The following TEX9 variants were observed in gnomAD, a reference collection of about 807,000 sequenced individuals.
The protein encoded by TEX9 is testis expressed 9.
TEX9 carries 74 observed loss-of-function variants against 59.6 expected under a neutral mutation model. The observed-to-expected ratio is 1.24, with a 90% CI of 1.03 to 1.51. TEX9 has a LOEUF of 1.51. TEX9 is among the 40% of genes most tolerant of loss of function. The probability of loss-of-function intolerance (pLI) is 0.00; values close to 1 mark genes in which losing one functional copy is unlikely to be tolerated. For missense variants in TEX9, 522 were observed against 447.8 expected (o/e 1.17, Z -1.49); for synonymous variants, 186 against 152.2 (o/e 1.22, Z -1.64).
intron 12 of TEX9, among the ~76,000 whole-genome samples, chr15:56,439,200 CT>C (rs2050778619): frequency 6.6e-6 from 1 of 152,046 alleles, no homozygotes; most frequent in Admixed American, 6.6e-5. Flanking sequence ...AAATGAAACA[CT>C]TAGATGTAAC....
At position 56,302,890 on chromosome 15, in the gene TEX9, C is replaced by G. The variant is rs533812091; in HGVS notation, c.-107+58612C>G. On this transcript the variant is annotated intron_variant, in intron 1 of 5. Transcript: ENST00000560827. Reference sequence around the variant, plus strand: ...AAAGATGTTTCATGTAAATGGAAACCAAGAAAGAACAGGAGTCATTATACT... The same window carrying G: ...AAAGATGTTTCATGTAAATGGAAACGAAGAAAGAACAGGAGTCATTATACT... Among the ~76,000 whole-genome samples, 6 of 151,996 alleles carry G rather than the reference C, an allele frequency of 3.9e-5. No individual in the cohort carries two copies. In the South Asian group the frequency reaches 1.3e-3, roughly 32 times the overall value.
At chr15:56,374,690 C>G (rs2047348692) in intron 3 of TEX9, 1 of 152,024 alleles carries the variant, frequency 6.6e-6, no homozygotes, top group African/African-American at 2.4e-5. Context: ...TATCTCCCAC[C>G]CCTGCATCCC....
intron 1 of TEX9, among the ~76,000 whole-genome samples, chr15:56,256,355 C>G (rs141705465): frequency 5.1e-4 from 78 of 152,048 alleles, no homozygotes; most frequent in African/African-American, 1.7e-3. Flanking sequence ...GTGTATTTAA[C>G]TGCAACAATA....
At chr15:56,300,210 C>T (rs758442319) in intron 1 of TEX9, among the ~76,000 whole-genome samples, 49 of 150,880 alleles carry the variant, frequency 3.2e-4, no homozygotes, top group Non-Finnish European at 5.9e-4. Context: ...CCTTGATCAT[C>T]GCAGTAGCCA....
intron 12 of TEX9, chr15:56,428,608 C>T (rs2050443799): frequency 5.9e-6 from 3 of 508,818 alleles, no homozygotes; most frequent in Non-Finnish European, 1.0e-5. Context: ...TAGCTATTAG[C>T]TCTTTTTGAG....
chr15:56,387,075 C>T (rs1364210834), intron 4 of TEX9, among the ~76,000 whole-genome samples: 2 of 151,904 alleles, frequency 1.3e-5, no homozygotes, highest in Non-Finnish European at 2.9e-5. Context: ...TACGTATCCT[C>T]CAGTCTGCTT....
Position 56,322,766 on chromosome 15 carries a change from C to A in TEX9, c.-106-50675C>A, listed in dbSNP as rs543385355. Among the ~76,000 whole-genome samples the A allele has an allele frequency of 3.3e-5, 5 of 152,128 alleles. No homozygotes were observed. The East Asian group carries it at 7.7e-4, about 24-fold the overall frequency. On this transcript the variant is annotated intron_variant, in intron 1 of 5. Coordinates refer to the TEX9 transcript ENST00000560827. Reference sequence around the variant, plus strand: ...TTGCCAGATGTGTGTGAGGAATGAACAAAGGGGCCAAATAATATTACTGTA... The same window carrying A: ...TTGCCAGATGTGTGTGAGGAATGAAAAAAGGGGCCAAATAATATTACTGTA...
intron 1 of TEX9, among the ~76,000 whole-genome samples, chr15:56,330,666 AC>A (rs1331525001): frequency 6.6e-6 from 1 of 152,110 alleles, no homozygotes; most frequent in Non-Finnish European, 1.5e-5. Flanking sequence ...CAAAAAATGC[AC>A]AACAGATACA....
downstream of TEX9, chr15:56,447,108 T>C (rs183022915): frequency 1.8e-6 from 1 of 544,702 alleles, no homozygotes; most frequent in East Asian, 3.0e-5. Context: ...TGGATGCCTT[T>C]AGGGCATTAG....
chr15:56,439,271 T>A (rs2050779787), intron 12 of TEX9, among the ~76,000 whole-genome samples: 1 of 152,014 alleles, frequency 6.6e-6, no homozygotes, highest in African/African-American at 2.4e-5. Context: ...AATTCAAAGA[T>A]CTAAATAAAG....
intron 1 of TEX9, among the ~76,000 whole-genome samples, chr15:56,345,038 G>GATATATATATAT (rs58688246): frequency 1.4e-5 from 2 of 141,502 alleles, no homozygotes; most frequent in African/African-American, 2.6e-5. Context: ...TATCTATCTG[G>GATATATATATAT]ATATATATAT....
chr15:56,251,869 C>T (rs2044028557), intron 1 of TEX9, among the ~76,000 whole-genome samples: 2 of 151,988 alleles, frequency 1.3e-5, no homozygotes, highest in South Asian at 2.1e-4. Flanking sequence ...GACATACAAG[C>T]GACGGCATAG....
intron 9 of TEX9, chr15:56,396,916 C>T (rs3985759): frequency 0.46 from 70,255 of 151,976 alleles, 16,422 homozygotes; most frequent in South Asian, 0.64. Context: ...GTGTGTCTTA[C>T]CAGCAGCATG....
intron 9 of TEX9, among the ~76,000 whole-genome samples, chr15:56,406,690 A>G (rs2049097486): frequency 6.6e-6 from 1 of 152,090 alleles, no homozygotes; most frequent in Non-Finnish European, 1.5e-5. Context: ...TATTTCCTTT[A>G]TAACTATGGA....
Position 56,384,033 on chromosome 15 carries a change from T to A in TEX9, c.263+2T>A. The A allele has an allele frequency of 1.2e-6, 2 of 1,609,424 alleles. No individual in the cohort carries two copies. Among genetic ancestry groups the A allele is most frequent in the Non-Finnish European group, 1.7e-6 (2 of 1,177,212 alleles). On this transcript the variant is annotated splice_donor_variant, in intron 4 of 12. Transcript: ENST00000352903. LOFTEE classifies it high-confidence loss of function. ...TGACGAAGATGATTACAGTTTAAGG[T>A]AAGTATCTTAAATTCTCAAGCACCT...
At chr15:56,325,690 A>G (rs1321847246) in intron 1 of TEX9, among the ~76,000 whole-genome samples, 1 of 152,150 alleles carries the variant, frequency 6.6e-6, no homozygotes, top group Admixed American at 6.5e-5. Flanking sequence ...ATTTGTCCAA[A>G]CTGACCAAAT....
intron 1 of TEX9, among the ~76,000 whole-genome samples, chr15:56,275,806 T>A (rs1411978960): frequency 1.3e-5 from 2 of 152,196 alleles, no homozygotes; most frequent in African/African-American, 4.8e-5. Flanking sequence ...TCATTCTTGT[T>A]TAGCTTTAAA....
chr15:56,359,476 T>C (rs1249984615), intron 1 of TEX9, among the ~76,000 whole-genome samples: 2 of 152,198 alleles, frequency 1.3e-5, no homozygotes, highest in East Asian at 3.8e-4. Flanking sequence ...CTTTTGTGTC[T>C]GGCTTATTTC....
chr15:56,424,355 T>G (rs980112879), intron 10 of TEX9, among the ~76,000 whole-genome samples: 11 of 152,168 alleles, frequency 7.2e-5, no homozygotes. Context: ...TTCCATCTTT[T>G]TACCTTAAAC....
Sources: gnomAD v4.1 joint callset for allele counts (sites outside exome capture counted in the v4.1 genomes callset) on GRCh38, gnomAD v4.1.1 for gene constraint, MANE v1.5 for transcripts, NCBI Gene and HGNC (gene_info 2026-07-23, HGNC 2026-07-21) for gene names.